Variants in TMPRSS11D observed in about 807,000 individuals in gnomAD.
TMPRSS11D encodes transmembrane serine protease 11D.
Under a neutral mutation model 44.4 loss-of-function variants are expected in TMPRSS11D, and 32 were observed. The observed-to-expected ratio is 0.72, with a 90% CI of 0.54 to 0.97. TMPRSS11D has a LOEUF of 0.97. TMPRSS11D is among the 50% of genes least tolerant of loss of function. TMPRSS11D has a pLI of 0.00. For synonymous variants in TMPRSS11D, 179 were observed against 177.9 expected, an observed-to-expected ratio of 1.01 and a Z score of -0.05; for missense variants, 446 against 502.6, an observed-to-expected ratio of 0.89 and a Z score of 1.08.
chr4:67,835,243 G>T, intron 5 of TMPRSS11D, 122 bp from the exon 6 acceptor site: 1 of 826,924 alleles, frequency 1.2e-6, no homozygotes, highest in Non-Finnish European at 1.9e-6. Context: ...TTGGGAGGTG[G>T]TCCTCTAAAA....
intron 3 of TMPRSS11D, among the ~76,000 whole-genome samples, chr4:67,851,946 C>T (rs953436657): frequency 1.2e-4 from 19 of 152,164 alleles, no homozygotes; most frequent in African/African-American, 4.6e-4. Flanking sequence ...TGCACTCCCA[C>T]CCACCTTGGG....
At chr4:67,833,562 T>G (rs953909639) in intron 6 of TMPRSS11D, 181 bp from the exon 7 acceptor site, 3 of 473,032 alleles carry the variant, frequency 6.3e-6, no homozygotes, top group Non-Finnish European at 1.0e-5. Context: ...CTACTGTTGC[T>G]TATAGATAGC....
chr4:67,822,592 A>T, intron 9 of TMPRSS11D, 94 bp from the exon 10 acceptor site: 1 of 1,343,512 alleles, frequency 7.4e-7, no homozygotes, highest in South Asian at 1.3e-5. Flanking sequence ...AAGGAGTCAC[A>T]TTCATTATAC....
At chr4:67,850,468 GTT>G (rs1718475431) in intron 3 of TMPRSS11D, among the ~76,000 whole-genome samples, 1 of 146,312 alleles carries the variant, frequency 6.8e-6, no homozygotes, top group South Asian at 2.3e-4. Flanking sequence ...AGGGTCCCGA[GTT>G]AGGAAGAGAT....
chr4:67,852,794 C>T (rs936588986), intron 3 of TMPRSS11D, among the ~76,000 whole-genome samples: 3 of 152,082 alleles, frequency 2.0e-5, no homozygotes, highest in South Asian at 2.1e-4. Context: ...CTTCAATAAA[C>T]ATTTATTAAG....
rs774747555 is a variant in TMPRSS11D at position 67,835,096 on chromosome 4, A to G, written c.501T>C (p.Asn167=). 3.7e-6 allele frequency: 6 copies of G among 1,612,408 alleles called. No homozygotes were observed. In the African/African-American group the frequency reaches 6.7e-5, roughly 18 times the overall value. The change falls in exon 6 of 10, where the codon AAT becomes AAC. Residue 167 remains asparagine (N), a synonymous_variant. Transcript: ENST00000283916. ...ATTAAAACTTACCATTAATAAGCCAATTTGCTGCAGCCTGGTCAGTAAGTG... is the reference window on the plus strand; with the variant it reads ...ATTAAAACTTACCATTAATAAGCCAGTTTGCTGCAGCCTGGTCAGTAAGTG... ...ITSLTDQAAA[N]WLINECGAGP...
chr4:67,864,783 G>A (rs1181985113), intron 1 of TMPRSS11D, among the ~76,000 whole-genome samples: 2 of 151,702 alleles, frequency 1.3e-5, no homozygotes, highest in Non-Finnish European at 3.0e-5. Flanking sequence ...GACAAAGAAA[G>A]TTATTACATG....
Position 67,822,217 on chromosome 4 carries a change from A to T in TMPRSS11D, c.*120T>A. 8.9e-7 allele frequency: 1 copy of T among 1,120,390 alleles called. No homozygotes were observed. Among genetic ancestry groups the T allele is most frequent in the African/African-American group, 1.6e-5 (1 of 64,262 alleles). The allele number at this position is 1,120,390 out of a possible 1,614,324, so 69.4% of individuals were successfully genotyped here. A position where few individuals can be genotyped will look rare whatever the true frequency, so the allele number is the denominator to read the frequency against. On this transcript the variant is annotated 3_prime_UTR_variant, in exon 10 of 10. Transcript: ENST00000283916. ...AAACAGTGTTTGTTAAACCATATTT[A>T]TGTAACAAGATGTTAAATTAGGACA...
intron 1 of TMPRSS11D, among the ~76,000 whole-genome samples, chr4:67,882,388 G>T (rs1719341093): frequency 6.6e-6 from 1 of 152,118 alleles, no homozygotes; most frequent in Non-Finnish European, 1.5e-5. Flanking sequence ...ATTCCAAAAA[G>T]TGTGATCCTT....
At chr4:67,856,794 AT>A (rs955759651) in intron 2 of TMPRSS11D, among the ~76,000 whole-genome samples, 1 of 152,126 alleles carries the variant, frequency 6.6e-6, no homozygotes, top group Admixed American at 6.5e-5. Flanking sequence ...CTAAAAAAAA[AT>A]AAAAATTCCA....
At chr4:67,854,575 T>G (rs567982674) in intron 2 of TMPRSS11D, among the ~76,000 whole-genome samples, 1 of 152,296 alleles carries the variant, frequency 6.6e-6, no homozygotes, top group East Asian at 1.9e-4. Flanking sequence ...ATTATGAAAT[T>G]TCAAAAATTA....
At chr4:67,851,940 C>T (rs1186278706) in intron 3 of TMPRSS11D, among the ~76,000 whole-genome samples, 2 of 152,168 alleles carry the variant, frequency 1.3e-5, no homozygotes, top group East Asian at 1.9e-4. Context: ...CTCTGCTGCA[C>T]TCCCACCCAC....
chr4:67,827,922 T>C (rs1000047283), intron 7 of TMPRSS11D, among the ~76,000 whole-genome samples: 3 of 152,096 alleles, frequency 2.0e-5, no homozygotes, highest in Non-Finnish European at 2.9e-5. Flanking sequence ...AATCCCTGTC[T>C]TTTCCTTTAG....
rs1718579660 is a variant in TMPRSS11D at position 67,854,228 on chromosome 4, A to G, written c.131-42T>C. The stretch of plus-strand genomic sequence containing the variant: ...AGGGAAGGTCAGTCTTACTTTACTA[A>G]GTTGTTGAACCTTTAATTTATTCAG... On this transcript the variant is annotated intron_variant, in intron 2 of 9. Transcript: ENST00000283916. The G allele has an allele frequency of 2.8e-6, 3 of 1,054,700 alleles. No individual in the cohort carries two copies. In the East Asian group the frequency reaches 7.6e-5, roughly 27 times the overall value. The allele number at this position is 1,054,700 out of a possible 1,614,324, so 65.3% of individuals were successfully genotyped here.
chr4:67,828,044 G>C (rs1335926381), intron 7 of TMPRSS11D, among the ~76,000 whole-genome samples: 285 of 60,842 alleles, frequency 4.7e-3, no homozygotes, highest in Non-Finnish European at 9.7e-3. Flanking sequence ...TGGTGTGTGT[G>C]TGTGTGTGTG....
rs117743283 is a variant in TMPRSS11D at position 67,849,195 on chromosome 4, G to A, written c.249+4873C>T. On this transcript the variant is annotated intron_variant, in intron 3 of 9. Coordinates refer to ENST00000283916, the MANE Select transcript of TMPRSS11D (RefSeq NM_004262.3). ...TTTGATTTGGATAACTGAATAAATG[G>A]TATTGCTATTAATAGGGATAGGTAT... 5.3e-4 allele frequency among the ~76,000 whole-genome samples: 81 copies of A among 152,274 alleles called. 1 individual carries two copies. In the East Asian group the frequency reaches 0.014, roughly 25 times the overall value.
chr4:67,832,222 A>G (rs1387379634), intron 7 of TMPRSS11D, among the ~76,000 whole-genome samples: 2 of 152,078 alleles, frequency 1.3e-5, no homozygotes, highest in East Asian at 3.9e-4. Flanking sequence ...TGTGTGTGTG[A>G]TAAGGAGGTC....
intron 3 of TMPRSS11D, among the ~76,000 whole-genome samples, chr4:67,843,104 C>CTTTT (rs35756612): frequency 1.8e-5 from 2 of 109,422 alleles, no homozygotes; most frequent in African/African-American, 3.3e-5. Flanking sequence ...AAAGGGCAGT[C>CTTTT]TTTTTTTTTT....
Position 67,822,512 on chromosome 4 carries a change from G to A in TMPRSS11D, c.1096-14C>T, listed in dbSNP as rs773611721. On this transcript the variant is annotated splice_polypyrimidine_tract_variant and intron_variant, in intron 9 of 9. Coordinates refer to ENST00000283916, the MANE Select transcript of TMPRSS11D (RefSeq NM_004262.3). ...ACCAGAGTCACCCTGTAAAAAAACA[G>A]AATGACTGATTACTTAAGTGCAAAG... The A allele has an allele frequency of 6.2e-7, 1 of 1,613,460 alleles. No homozygotes were observed. Among genetic ancestry groups the A allele is most frequent in the Non-Finnish European group, 8.5e-7 (1 of 1,179,674 alleles).
Sources: gnomAD v4.1 joint callset for allele counts (sites outside exome capture counted in the v4.1 genomes callset) on GRCh38, gnomAD v4.1.1 for gene constraint, MANE v1.5 for transcripts, NCBI Gene and HGNC (gene_info 2026-07-23, HGNC 2026-07-21) for gene names.